Variants in MEIS1 observed in about 807,000 individuals in gnomAD.
MEIS1 encodes the protein Meis homeobox 1, also known as homeobox protein Meis1.
In MEIS1, 5 loss-of-function variants were observed where a neutral mutation model predicts 50.8. That is an observed-to-expected ratio of 0.10 (90% confidence interval 0.05 to 0.21). The LOEUF (loss-of-function observed/expected upper bound fraction) is 0.21. Among genes scored for constraint, MEIS1 ranks in the 10% least tolerant of loss-of-function variants. MEIS1 has a pLI of 1.00. For missense variants in MEIS1, 318 were observed against 517.3 expected (o/e 0.61, Z 3.74); for synonymous variants, 176 against 179.3 (o/e 0.98, Z 0.15).
intron 9 of MEIS1, among the ~76,000 whole-genome samples, chr2:66,567,190 A>G (rs1675369535): frequency 6.6e-6 from 1 of 152,112 alleles, no homozygotes; most frequent in African/African-American, 2.4e-5. Context: ...TCCCCCATGA[A>G]AAGATGAAAT....
intron 6 of MEIS1, among the ~76,000 whole-genome samples, chr2:66,444,908 G>C (rs1369523306): frequency 6.6e-6 from 1 of 152,148 alleles, no homozygotes; most frequent in Non-Finnish European, 1.5e-5. Context: ...CCAAAATGAA[G>C]ATTTATACCC....
At chr2:66,496,963 A>C (rs1467052583) in intron 7 of MEIS1, among the ~76,000 whole-genome samples, 1 of 152,122 alleles carries the variant, frequency 6.6e-6, no homozygotes, top group Non-Finnish European at 1.5e-5. Flanking sequence ...TTTTATATTT[A>C]ACTTTGACTA....
At chr2:66,508,779 T>TA (rs1469678838) in intron 7 of MEIS1, 2 of 298,944 alleles carry the variant, frequency 6.7e-6, no homozygotes, top group East Asian at 1.0e-4. Flanking sequence ...AAAGTCGCCC[T>TA]ATGGCATTTC....
intron 9 of MEIS1, among the ~76,000 whole-genome samples, chr2:66,554,806 G>A (rs1303749405): frequency 6.6e-6 from 1 of 152,130 alleles, no homozygotes; most frequent in South Asian, 2.1e-4. Context: ...GACAAACAGA[G>A]AAATTAATTA....
chr2:66,443,319 T>C (rs750166464), intron 6 of MEIS1: 2 of 416,774 alleles, frequency 4.8e-6, no homozygotes, highest in Non-Finnish European at 8.4e-6. Context: ...CTTTATTTTA[T>C]TTACCCTCTA....
At chr2:66,448,066 T>C (rs1346534246) in intron 6 of MEIS1, among the ~76,000 whole-genome samples, 1 of 152,150 alleles carries the variant, frequency 6.6e-6, no homozygotes, top group Non-Finnish European at 1.5e-5. Flanking sequence ...TTGTTTTATA[T>C]AGCTATTGGT....
In MEIS1 at chr2:66,518,222, C is replaced by A. The variant is rs930440080; in HGVS notation, c.888+5928C>A. ...TGCTTATTTATCCAGGTATATAGCC[C>A]TTCTGAGCACACGACCTCTGTCTGA... On this transcript the variant is annotated intron_variant, in intron 8 of 12. Coordinates refer to ENST00000272369, the MANE Select transcript of MEIS1 (RefSeq NM_002398.3). 2.0e-5 allele frequency among the ~76,000 whole-genome samples: 3 copies of A among 152,260 alleles called. No homozygotes were observed. The East Asian group carries it at 5.8e-4, about 29-fold the overall frequency.
intron 10 of MEIS1, 73 bp downstream of exon 10, chr2:66,567,584 C>A: frequency 7.1e-7 from 1 of 1,399,494 alleles, no homozygotes; most frequent in Non-Finnish European, 1.0e-6. Context: ...CCGGGAGGTC[C>A]GCTACCTGGT....
intron 7 of MEIS1, among the ~76,000 whole-genome samples, chr2:66,502,710 AC>A (rs1348246670): frequency 6.6e-6 from 1 of 152,108 alleles, no homozygotes; most frequent in Non-Finnish European, 1.5e-5. Context: ...GCATGTGGAA[AC>A]TCTAGGGGAG....
At chr2:66,564,794 A>G (rs140109760) in intron 9 of MEIS1, among the ~76,000 whole-genome samples, 71 of 151,814 alleles carry the variant, frequency 4.7e-4, no homozygotes, top group African/African-American at 1.7e-3. Context: ...ACATATGTAT[A>G]CATGTGCCAT....
chr2:66,473,820 T>A (rs62144047), intron 7 of MEIS1, among the ~76,000 whole-genome samples: 15,613 of 152,094 alleles, frequency 0.1, 941 homozygotes, highest in South Asian at 0.25. Flanking sequence ...TGTATAGCCA[T>A]CCCTTGGTAT....
intron 4 of MEIS1, chr2:66,440,868 AGCTCTAAT>A: frequency 3.7e-6 from 2 of 541,106 alleles, no homozygotes; most frequent in Non-Finnish European, 6.5e-6. Flanking sequence ...CGGGCTGCGC[AGCTCTAAT>A]CAGCGCGGGG....
intron 8 of MEIS1, among the ~76,000 whole-genome samples, chr2:66,533,349 A>T (rs1370253387): frequency 2.0e-5 from 3 of 152,150 alleles, no homozygotes; most frequent in Non-Finnish European, 1.5e-5. Context: ...ACTTTATAAT[A>T]TAGAATATTT....
In MEIS1 at chr2:66,439,931, G is replaced by A; in HGVS notation, c.328G>A (p.Asp110Asn). The change falls in exon 3 of 13, where the codon GAC becomes AAC. Residue 110 changes from aspartate to asparagine, a missense_variant. By Grantham distance (23) the Asp-to-Asn change is conservative. Around this residue, in one of 6 missense-constraint regions of MEIS1, gnomAD observed 75 missense variants for 153.7 expected, o/e 0.49. Transcript: ENST00000272369. ...CCGCGAGCCGGGGGTGGCGGGCGGG[G>A]ACGTCTGCTCGTCAGAGTCATTCAA... ...TPREPGVAGGDVCSSESFNED... is the reference protein window; with the variant it reads ...TPREPGVAGGNVCSSESFNED... 6.2e-7 allele frequency: 1 copy of A among 1,613,516 alleles called. No homozygotes were observed. The highest frequency in any genetic ancestry group is 1.1e-5 in the South Asian group (1 of 90,972).
intron 7 of MEIS1, among the ~76,000 whole-genome samples, chr2:66,499,389 C>CAT (rs1673493040): frequency 6.6e-6 from 1 of 152,026 alleles, no homozygotes; most frequent in African/African-American, 2.4e-5. Context: ...TGACCCTTGG[C>CAT]ATTTCCTCTC....
At chr2:66,441,099 T>G (rs1671968948) in intron 4 of MEIS1, 1 of 383,226 alleles carries the variant, frequency 2.6e-6, no homozygotes, top group African/African-American at 2.1e-5. Flanking sequence ...CAAGGACACA[T>G]GTAGTCCAGT....
chr2:66,487,075 A>G (rs1673160968), intron 7 of MEIS1, among the ~76,000 whole-genome samples: 1 of 152,158 alleles, frequency 6.6e-6, no homozygotes, highest in Non-Finnish European at 1.5e-5. Flanking sequence ...TCCTATTTGA[A>G]TACCCTTTAT....
intron 3 of MEIS1, 136 bp from the exon 4 acceptor site, chr2:66,440,426 C>T (rs1671940719): frequency 1.3e-5 from 10 of 746,220 alleles, no homozygotes; most frequent in East Asian, 8.0e-5. Flanking sequence ...TCGGTGTCAC[C>T]GGGTCCCTCC....
intron 8 of MEIS1, among the ~76,000 whole-genome samples, chr2:66,517,729 T>C (rs1416972957): frequency 6.6e-6 from 1 of 152,202 alleles, no homozygotes; most frequent in East Asian, 1.9e-4. Flanking sequence ...TTTAATTACT[T>C]GAGGGGAATA....
Sources: gnomAD v4.1 joint callset for allele counts (sites outside exome capture counted in the v4.1 genomes callset) on GRCh38, gnomAD v4.1.1 for gene constraint, gnomAD v4.1.1 regional missense constraint, MANE v1.5 for transcripts, NCBI Gene and HGNC (gene_info 2026-07-23, HGNC 2026-07-21) for gene names.